GALNT17: variants seen among roughly 807,000 people sequenced by gnomAD.
GALNT17 encodes the protein UDP-GalNAc:polypeptide N-acetylgalactosaminyltransferase-like 3.
Under a neutral mutation model 63.7 loss-of-function variants are expected in GALNT17, and 29 were observed. The observed-to-expected ratio is 0.46, with a 90% CI of 0.34 to 0.62. GALNT17 has a LOEUF of 0.62. Among genes scored for constraint, GALNT17 ranks in the 20% least tolerant of loss-of-function variants. The probability of loss-of-function intolerance (pLI) is 0.01; values close to 1 mark genes in which losing one functional copy is unlikely to be tolerated. For missense variants in GALNT17, 603 were observed against 799.6 expected (o/e 0.75, Z 2.97); for synonymous variants, 305 against 318.3 (o/e 0.96, Z 0.45).
chr7:71,657,057 C>T (rs981428047), intron 6 of GALNT17, among the ~76,000 whole-genome samples: 19 of 152,066 alleles, frequency 1.2e-4, no homozygotes, highest in African/African-American at 3.4e-4. Context: ...TACTTATGCC[C>T]GAATGATCCT....
At chr7:71,325,496 A>G (rs543101334) in intron 1 of GALNT17, among the ~76,000 whole-genome samples, 6 of 152,332 alleles carry the variant, frequency 3.9e-5, no homozygotes, top group African/African-American at 1.4e-4. Context: ...TTGTGCCTCC[A>G]TCGTGTGTAC....
At chr7:71,628,044 TAGTGGG>T (rs915633756) in intron 6 of GALNT17, among the ~76,000 whole-genome samples, 3 of 146,060 alleles carry the variant, frequency 2.1e-5, no homozygotes, top group Non-Finnish European at 4.5e-5. Flanking sequence ...TAAAATTTCA[TAGTGGG>T]AGCAGGTAGG....
At chr7:71,640,861 A>G (rs1235881903) in intron 6 of GALNT17, among the ~76,000 whole-genome samples, 2 of 151,700 alleles carry the variant, frequency 1.3e-5, no homozygotes, top group South Asian at 2.1e-4. Context: ...AAAAAAAACT[A>G]AACTAAAAAC....
At chr7:71,590,213 T>A (rs559191615) in intron 6 of GALNT17, among the ~76,000 whole-genome samples, 3 of 152,326 alleles carry the variant, frequency 2.0e-5, no homozygotes, top group African/African-American at 7.2e-5. Context: ...TTATAAATGA[T>A]GTCTAATGTA....
chr7:71,559,473 T>G (rs1789217363), intron 5 of GALNT17, among the ~76,000 whole-genome samples: 1 of 152,138 alleles, frequency 6.6e-6, no homozygotes, highest in African/African-American at 2.4e-5. Flanking sequence ...TATTTGCATA[T>G]GCTTCCCCTT....
At chr7:71,396,269 C>T (rs1793138237) in intron 3 of GALNT17, among the ~76,000 whole-genome samples, 2 of 152,158 alleles carry the variant, frequency 1.3e-5, no homozygotes, top group South Asian at 4.2e-4. Context: ...AGGTTTATAT[C>T]CATTGTGAGC....
chr7:71,367,238 C>T (rs912202776), intron 2 of GALNT17, among the ~76,000 whole-genome samples: 1 of 152,160 alleles, frequency 6.6e-6, no homozygotes, highest in South Asian at 2.1e-4. Context: ...TCCTTATAGG[C>T]TTCTGAGTAT....
chr7:71,190,984 A>G (rs890920816), intron 1 of GALNT17, among the ~76,000 whole-genome samples: 3 of 152,154 alleles, frequency 2.0e-5, no homozygotes, highest in Non-Finnish European at 4.4e-5. Context: ...GACACAAGAT[A>G]GGGGGCCCGG....
intron 5 of GALNT17, among the ~76,000 whole-genome samples, chr7:71,514,688 G>C (rs1359242521): frequency 1.3e-5 from 2 of 152,158 alleles, no homozygotes; most frequent in Non-Finnish European, 2.9e-5. Flanking sequence ...GCCTGACTCT[G>C]TCTCTAATGG....
chr7:71,248,939 C>T (rs1390413804), intron 1 of GALNT17, among the ~76,000 whole-genome samples: 1 of 149,806 alleles, frequency 6.7e-6, no homozygotes, highest in East Asian at 2.0e-4. Context: ...CTCTTCTCTA[C>T]TGAATCTTTC....
chr7:71,506,909 T>A (rs747779479), intron 5 of GALNT17, among the ~76,000 whole-genome samples: 1 of 152,240 alleles, frequency 6.6e-6, no homozygotes, highest in Non-Finnish European at 1.5e-5. Context: ...TGCAGCAACC[T>A]AATAGTTGTA....
In GALNT17 at chr7:71,388,371, A is replaced by G. The variant is rs779341585; in HGVS notation, c.559A>G (p.Ile187Val). Residue 187 changes from isoleucine to valine, a missense_variant, in exon 3 of 11, where the codon ATC (isoleucine) becomes GTC (valine). Ile to Val is a conservative substitution (Grantham distance 29). This residue lies in a region of GALNT17 where 336 missense variants were observed against 507.8 expected (regional missense o/e 0.66). Coordinates refer to ENST00000333538, the MANE Select transcript of GALNT17 (RefSeq NM_022479.3). The stretch of plus-strand genomic sequence containing the variant: ...CACGCCCACACACCTGCTGAAGGAA[A>G]TCATTCTGGTGGATGACAACAGCGA... ...NHTPTHLLKE[I>V]ILVDDNSDEE... 3.1e-6 allele frequency: 5 copies of G among 1,613,982 alleles called. No individual in the cohort carries two copies. In the South Asian group the frequency reaches 3.3e-5, roughly 11 times the overall value.
chr7:71,377,358 T>G (rs1435863854), intron 2 of GALNT17, among the ~76,000 whole-genome samples: 1 of 151,898 alleles, frequency 6.6e-6, no homozygotes, highest in South Asian at 2.1e-4. Flanking sequence ...ATTCGGAGAA[T>G]ATTCCAAAAT....
chr7:71,355,230 C>CT (rs1192294782), intron 2 of GALNT17, among the ~76,000 whole-genome samples: 2 of 151,984 alleles, frequency 1.3e-5, no homozygotes, highest in Non-Finnish European at 2.9e-5. Context: ...CTTGTATTTT[C>CT]TTTTGACTTA....
chr7:71,195,643 G>A (rs1283427763), intron 1 of GALNT17, among the ~76,000 whole-genome samples: 1 of 151,274 alleles, frequency 6.6e-6, no homozygotes, highest in East Asian at 2.0e-4. Flanking sequence ...GGACTCCTGG[G>A]CTCCAGTGAC....
chr7:71,701,466 A>G (rs2867506), intron 9 of GALNT17, among the ~76,000 whole-genome samples: 20,573 of 151,678 alleles, frequency 0.14, 1,581 homozygotes, highest in African/African-American at 0.2. Context: ...CAGCCTGGAT[A>G]ACAGAGTGAG....
intron 2 of GALNT17, among the ~76,000 whole-genome samples, chr7:71,381,847 T>G (rs1792852790): frequency 6.6e-6 from 1 of 152,132 alleles, no homozygotes; most frequent in Non-Finnish European, 1.5e-5. Flanking sequence ...CCTTTGCAGC[T>G]GCATGAATGT....
At chr7:71,302,083 A>T (rs1340140341) in intron 1 of GALNT17, among the ~76,000 whole-genome samples, 1 of 152,216 alleles carries the variant, frequency 6.6e-6, no homozygotes. Context: ...TATCCTCACC[A>T]TACTAATGCA....
chr7:71,625,024 T>C (rs1790351311), intron 6 of GALNT17, among the ~76,000 whole-genome samples: 2 of 152,190 alleles, frequency 1.3e-5, no homozygotes, highest in African/African-American at 4.8e-5. Flanking sequence ...TAAAAATCAT[T>C]TTGACCTGGT....
Sources: allele counts gnomAD v4.1 joint callset (sites outside exome capture counted in the v4.1 genomes callset), GRCh38; gene constraint gnomAD v4.1.1; regional missense constraint gnomAD v4.1.1; transcripts MANE v1.5; gene names NCBI Gene and HGNC (gene_info 2026-07-23, HGNC 2026-07-21).